TENM3: variants seen among roughly 807,000 people sequenced by gnomAD.
TENM3 encodes the protein teneurin-3.
In TENM3, 63 loss-of-function variants were observed where a neutral mutation model predicts 255.1. That is an observed-to-expected ratio of 0.25 (90% CI 0.20 to 0.30). The LOEUF is 0.30. Among genes scored for constraint, TENM3 ranks in the 10% least tolerant of loss-of-function variants. The pLI is 1.00. For synonymous variants in TENM3, 1,306 were observed against 1,322.3 expected (o/e 0.99, Z 0.27); for missense variants, 2,929 against 3,461.1 (o/e 0.85, Z 3.86).
intron 3 of TENM3, among the ~76,000 whole-genome samples, chr4:182,347,595 G>A (rs1019671049): frequency 1.3e-5 from 2 of 151,154 alleles, no homozygotes; most frequent in African/African-American, 4.9e-5. Flanking sequence ...GCAGCTTTTT[G>A]TATATTGTAA....
At chr4:182,627,448 C>G (rs970906587) in intron 4 of TENM3, among the ~76,000 whole-genome samples, 8 of 152,032 alleles carry the variant, frequency 5.3e-5, no homozygotes, top group African/African-American at 1.4e-4. Context: ...CAGTATTTCT[C>G]CAATATACAA....
chr4:182,361,421 C>T (rs993848525), intron 3 of TENM3, among the ~76,000 whole-genome samples: 1 of 152,078 alleles, frequency 6.6e-6, no homozygotes, highest in African/African-American at 2.4e-5. Flanking sequence ...GTTCGTTTCT[C>T]TTTATTCTTT....
At chr4:182,509,327 C>CCAAGAT (rs1483664203) in intron 3 of TENM3, among the ~76,000 whole-genome samples, 1 of 152,036 alleles carries the variant, frequency 6.6e-6, no homozygotes, top group African/African-American at 2.4e-5. Context: ...TGTGGGAGTT[C>CCAAGAT]CAAGATTTGT....
At chr4:182,206,888 CTTT>C (rs980760447) in intron 1 of TENM3, among the ~76,000 whole-genome samples, 4 of 152,142 alleles carry the variant, frequency 2.6e-5, no homozygotes, top group Non-Finnish European at 4.4e-5. Flanking sequence ...CTTTCTCTCT[CTTT>C]TTAATTTGTA....
At chr4:182,672,071 A>G (rs934296737) in intron 6 of TENM3, among the ~76,000 whole-genome samples, 2 of 152,158 alleles carry the variant, frequency 1.3e-5, no homozygotes, top group African/African-American at 4.8e-5. Context: ...ATAAGAGACA[A>G]TGTAGTTATA....
intron 22 of TENM3, among the ~76,000 whole-genome samples, chr4:182,760,650 G>A (rs984944227): frequency 6.6e-6 from 1 of 152,180 alleles, no homozygotes; most frequent in African/African-American, 2.4e-5. Context: ...GCAAATAAAT[G>A]AGTTTCAGCT....
chr4:181,762,789 A>G, the TENM3 span, among the ~76,000 whole-genome samples: 1 of 152,204 alleles, frequency 6.6e-6, no homozygotes, highest in Admixed American at 6.5e-5. Flanking sequence ...CAAGTAGAGA[A>G]TGATATGGCT....
At chr4:182,447,272 G>GA (rs770714382) in intron 3 of TENM3, among the ~76,000 whole-genome samples, 18,753 of 140,114 alleles carry the variant, frequency 0.13, 1,195 homozygotes, top group African/African-American at 0.15. Context: ...GTTAGTGATA[G>GA]AAAAAAAAAA....
chr4:182,056,922 A>G, the TENM3 span, among the ~76,000 whole-genome samples: 6 of 151,808 alleles, frequency 4.0e-5, no homozygotes, highest in Non-Finnish European at 7.4e-5. Flanking sequence ...TTTTAACAAC[A>G]AAGTGCAGAG....
chr4:182,340,481 G>T (rs1764419551), intron 2 of TENM3, among the ~76,000 whole-genome samples: 1 of 152,156 alleles, frequency 6.6e-6, no homozygotes, highest in Admixed American at 6.5e-5. Context: ...AAGGTATTTA[G>T]TGGGATTTTA....
chr4:181,773,044 A>G, the TENM3 span, among the ~76,000 whole-genome samples: 1 of 152,116 alleles, frequency 6.6e-6, no homozygotes, highest in African/African-American at 2.4e-5. Context: ...CTCTGAGTTC[A>G]TTTCCCTTGT....
chr4:181,616,041 A>G, the TENM3 span, among the ~76,000 whole-genome samples: 1 of 149,396 alleles, frequency 6.7e-6, no homozygotes, highest in East Asian at 2.0e-4. Flanking sequence ...GAGAAAGAGA[A>G]CATGTTTCCC....
intron 11 of TENM3, among the ~76,000 whole-genome samples, chr4:182,683,590 TGAAAA>T (rs1435913076): frequency 2.0e-5 from 3 of 152,028 alleles, no homozygotes; most frequent in Non-Finnish European, 2.9e-5. Context: ...CAAGGGACAG[TGAAAA>T]GAAAAGTATT....
rs1489973050 is a variant in TENM3, at chr4:182,802,612, T to C, written c.*2261T>C. 2.0e-5 allele frequency: 3 copies of C among 152,658 alleles called. No individual in the cohort carries two copies. Among genetic ancestry groups the C allele is most frequent in the Non-Finnish European group, 4.4e-5 (3 of 68,034 alleles). 9.5% of individuals were successfully genotyped at this position (152,658 alleles called of 1,614,324 possible). A position where few individuals can be genotyped will look rare whatever the true frequency, so the allele number is the denominator to read the frequency against. On this transcript the variant is annotated 3_prime_UTR_variant, in exon 28 of 28. Transcript: ENST00000511685. ...CTCGGGCACCGATAAATAACAGATTTGGAGTATCTCCTGGTGCTTATTTTA... is the reference window on the plus strand; with the variant it reads ...CTCGGGCACCGATAAATAACAGATTCGGAGTATCTCCTGGTGCTTATTTTA...
At chr4:181,824,955 G>T in the TENM3 span, among the ~76,000 whole-genome samples, 1 of 152,072 alleles carries the variant, frequency 6.6e-6, no homozygotes, top group Non-Finnish European at 1.5e-5. Context: ...CGCACATCAA[G>T]TCCATGTCAT....
the TENM3 span, among the ~76,000 whole-genome samples, chr4:181,664,802 C>T: frequency 2.0e-5 from 3 of 152,256 alleles, no homozygotes; most frequent in South Asian, 6.2e-4. Flanking sequence ...GCACATTGAC[C>T]CCGCTCTTGC....
At chr4:181,862,663 A>G in the TENM3 span, among the ~76,000 whole-genome samples, 9 of 152,174 alleles carry the variant, frequency 5.9e-5, no homozygotes, top group Non-Finnish European at 1.3e-4. Flanking sequence ...TTTCTCAATA[A>G]AAAATGGAAT....
chr4:182,381,426 AAAT>A (rs1561386876), intron 3 of TENM3, among the ~76,000 whole-genome samples: 1 of 152,226 alleles, frequency 6.6e-6, no homozygotes, highest in Non-Finnish European at 1.5e-5. Context: ...ATTAAAGAAA[AAAT>A]AATGATTTTG....
At chr4:182,171,203 A>G (rs1192293691) in intron 1 of TENM3, among the ~76,000 whole-genome samples, 2 of 152,222 alleles carry the variant, frequency 1.3e-5, no homozygotes, top group Non-Finnish European at 2.9e-5. Context: ...GTAAATGTAC[A>G]TGAGCTTTTA....
Sources: gnomAD v4.1 joint callset for allele counts (sites outside exome capture counted in the v4.1 genomes callset) on GRCh38, gnomAD v4.1.1 for gene constraint, MANE v1.5 for transcripts, NCBI Gene and HGNC (gene_info 2026-07-23, HGNC 2026-07-21) for gene names.